The following RHAG variants were observed in gnomAD, a reference collection of about 807,000 sequenced individuals.
The protein encoded by RHAG is Rh associated glycoprotein, also known as ammonium transporter Rh type A.
A neutral mutation model predicts 42.4 loss-of-function variants in RHAG; 25 were observed. That is an observed-to-expected ratio of 0.59 (90% CI 0.43 to 0.82). The LOEUF (loss-of-function observed/expected upper bound fraction) is 0.82. Ranked by LOEUF, RHAG falls within the 40% of genes least tolerant of loss-of-function variation. RHAG has a pLI of 0.00. For synonymous variants in RHAG, 182 were observed against 177.7 expected (o/e 1.02, Z -0.19); for missense variants, 483 against 504.6 (o/e 0.96, Z 0.41).
intron 3 of RHAG, 144 bp downstream of exon 3, chr6:49,617,924 C>T: frequency 2.8e-6 from 2 of 710,344 alleles, no homozygotes; most frequent in African/African-American, 1.8e-5. Context: ...ACAGTAGGCA[C>T]TCAGTAAATG....
intron 7 of RHAG, among the ~76,000 whole-genome samples, chr6:49,608,683 C>G (rs1327927965): frequency 1.3e-5 from 2 of 152,106 alleles, no homozygotes; most frequent in African/African-American, 4.8e-5. Context: ...GGTCTATATA[C>G]TTCTTAAGAA....
At chr6:49,614,120 C>T (rs1222541907) in intron 5 of RHAG, among the ~76,000 whole-genome samples, 1 of 152,138 alleles carries the variant, frequency 6.6e-6, no homozygotes, top group Admixed American at 6.5e-5. Context: ...TACAAGACTA[C>T]CTTCATTCTC....
At chr6:49,622,377 G>A (rs1351356297) in intron 1 of RHAG, among the ~76,000 whole-genome samples, 2 of 151,934 alleles carry the variant, frequency 1.3e-5, no homozygotes, top group African/African-American at 4.8e-5. Context: ...CCACCATGCC[G>A]GACTTGGTAC....
Position 49,618,190 on chromosome 6 carries a change from T to C in RHAG, c.370A>G (p.Thr124Ala). ...NMINADFSAA[T>A]VLISFGAVLG... ...ACAGCTCCAAAAGATATCAGAACTGTGGCTGCACTGAAGTCTGCATTTATC... is the reference window on the plus strand; with the variant it reads ...ACAGCTCCAAAAGATATCAGAACTGCGGCTGCACTGAAGTCTGCATTTATC... Residue 124 changes from threonine to alanine, a missense_variant, in exon 3 of 10, where the codon ACA becomes GCA. Thr to Ala is a moderately conservative substitution (Grantham distance 58). Coordinates refer to ENST00000371175, the MANE Select transcript of RHAG (RefSeq NM_000324.3). The C allele has an allele frequency of 1.2e-6, 2 of 1,614,174 alleles. No homozygotes were observed. Among genetic ancestry groups the C allele is most frequent in the Non-Finnish European group, 1.7e-6 (2 of 1,180,028 alleles).
At chr6:49,617,352 G>A (rs1762672793) in intron 3 of RHAG, among the ~76,000 whole-genome samples, 1 of 152,076 alleles carries the variant, frequency 6.6e-6, no homozygotes, top group South Asian at 2.1e-4. Flanking sequence ...AGCATGTATT[G>A]CAATTTATAA....
intron 3 of RHAG, among the ~76,000 whole-genome samples, chr6:49,616,933 C>A (rs767261830): frequency 4.6e-5 from 7 of 152,196 alleles, no homozygotes; most frequent in Non-Finnish European, 7.3e-5. Context: ...CTTGGACTTT[C>A]CAAATACCAT....
At position 49,612,403 on chromosome 6, in the gene RHAG, G is replaced by A. The variant is rs1409270348; in HGVS notation, c.939C>T (p.Phe313=). 36 of 1,614,130 alleles carry A rather than the reference G, an allele frequency of 2.2e-5. No individual in the cohort carries two copies. Among genetic ancestry groups the A allele is most frequent in the Non-Finnish European group, 3.1e-5 (36 of 1,180,008 alleles). Residue 313 remains phenylalanine (F), a synonymous_variant, in exon 6 of 10, where the codon TTC becomes TTT. Coordinates refer to ENST00000371175, the MANE Select transcript of RHAG (RefSeq NM_000324.3). The stretch of plus-strand genomic sequence containing the variant: ...GAACATCTGCTGTACTTACAGTCAG[G>A]AACTTGTATCCAAGCACAGAGACCA... The part of the protein sequence containing the change: ...AGMVSVLGYK[F]LTPLFTTKLR...
intron 3 of RHAG, among the ~76,000 whole-genome samples, chr6:49,616,277 GA>G (rs1384265014): frequency 1.4e-5 from 2 of 146,878 alleles, no homozygotes; most frequent in Non-Finnish European, 3.0e-5. Flanking sequence ...TTGAGCCTAG[GA>G]GTTTGAGGTT....
At position 49,622,841 on chromosome 6, in the gene RHAG, T is replaced by TG. The variant is rs1004040541; in HGVS notation, c.158-3480_158-3479insC. Among the ~76,000 whole-genome samples the TG allele has an allele frequency of 6.1e-5, 9 of 147,996 alleles. 1 individual carries two copies. Among genetic ancestry groups the TG allele is most frequent in the Admixed American group, 6.0e-4 (9 of 14,884 alleles). ...GATGGAAAACCAGACTTTTTTTTTTTTTGTTTTGTTTTGAGACGGAGTCTC... is the reference window on the plus strand; with the variant it reads ...GATGGAAAACCAGACTTTTTTTTTTTGTTGTTTTGTTTTGAGACGGAGTCTC... On this transcript the variant is annotated intron_variant, in intron 1 of 9. Coordinates refer to ENST00000371175, the MANE Select transcript of RHAG (RefSeq NM_000324.3).
At chr6:49,623,213 A>G (rs1043591428) in intron 1 of RHAG, among the ~76,000 whole-genome samples, 2 of 152,122 alleles carry the variant, frequency 1.3e-5, no homozygotes, top group African/African-American at 4.8e-5. Flanking sequence ...CTTCTGATGT[A>G]ATTCTTGTTA....
At chr6:49,609,211 A>G (rs1762526814) in intron 7 of RHAG, among the ~76,000 whole-genome samples, 1 of 152,158 alleles carries the variant, frequency 6.6e-6, no homozygotes, top group Non-Finnish European at 1.5e-5. Context: ...TGCACCTTCA[A>G]GGCTTGCCCC....
intron 1 of RHAG, among the ~76,000 whole-genome samples, chr6:49,622,373 T>C (rs867001122): frequency 6.6e-6 from 1 of 152,060 alleles, no homozygotes; most frequent in Non-Finnish European, 1.5e-5. Flanking sequence ...TGGGCCACCA[T>C]GCCGGACTTG....
intron 1 of RHAG, among the ~76,000 whole-genome samples, chr6:49,624,061 C>T (rs16879545): frequency 0.12 from 18,932 of 152,024 alleles, 1,781 homozygotes; most frequent in East Asian, 0.29. Flanking sequence ...AAGTTGTTAA[C>T]AGAAAATAAA....
intron 3 of RHAG, among the ~76,000 whole-genome samples, chr6:49,616,602 A>G (rs946515416): frequency 6.6e-6 from 1 of 152,102 alleles, no homozygotes; most frequent in African/African-American, 2.4e-5. Context: ...AGTTTTCTAC[A>G]TTTCTTTCCT....
chr6:49,608,307 C>T (rs1327862858), intron 7 of RHAG, among the ~76,000 whole-genome samples: 4 of 152,120 alleles, frequency 2.6e-5, no homozygotes, highest in Non-Finnish European at 4.4e-5. Context: ...CTCCTCTGAA[C>T]ATGCTTATGA....
rs1762478795 is a variant in RHAG, at chr6:49,606,883, C to G, written c.1177G>C (p.Asp393His). ...ACAGAATCATCATAGCAGTTCTGGT[C>G]AGATGGCTGTCCCCAGAGAGGCAAC... ...LKLPLWGQPS[D>H]QNCYDDSVYW... The change falls in exon 9 of 10, where the codon GAC becomes CAC. Residue 393 changes from aspartate (D) to histidine (H), a missense_variant. Transcript: ENST00000371175. The G allele has an allele frequency of 9.9e-6, 16 of 1,612,282 alleles. No individual in the cohort carries two copies. The highest frequency in any genetic ancestry group is 1.4e-5 in the Non-Finnish European group (16 of 1,178,462).
rs896891218 is a variant in RHAG at position 49,631,083 on chromosome 6, T to C, written c.157+5573A>G. On this transcript the variant is annotated intron_variant, in intron 1 of 9. Transcript: ENST00000371175. The stretch of plus-strand genomic sequence containing the variant: ...TGGCAAGAATATTATACAGATAGTA[T>C]TGTGTACTTCCCACTAGATCACATG... Among the ~76,000 whole-genome samples, 9 of 152,214 alleles carry C rather than the reference T, an allele frequency of 5.9e-5. No homozygotes were observed. The South Asian group carries it at 1.0e-3, about 17-fold the overall frequency.
At chr6:49,613,123 G>A (rs1177373720) in intron 5 of RHAG, among the ~76,000 whole-genome samples, 1 of 150,604 alleles carries the variant, frequency 6.6e-6, no homozygotes, top group Non-Finnish European at 1.5e-5. Flanking sequence ...AGGCTGGAGT[G>A]CAGCAGCGCG....
chr6:49,615,607 A>G lies in RHAG; in HGVS notation c.640+17T>C, dbSNP rs754708784. On this transcript the variant is annotated intron_variant, in intron 4 of 9. Coordinates refer to ENST00000371175, the MANE Select transcript of RHAG (RefSeq NM_000324.3). ...TTTTCAAATAGATAAGATTCAAGCA[A>G]GTTTATCCACACTCACCAATCATTG... 6.0e-5 allele frequency: 97 copies of G among 1,613,792 alleles called. No individual in the cohort carries two copies. Among genetic ancestry groups the G allele is most frequent in the Non-Finnish European group, 8.0e-5 (94 of 1,179,864 alleles).
Sources: allele counts gnomAD v4.1 joint callset (sites outside exome capture counted in the v4.1 genomes callset), GRCh38; gene constraint gnomAD v4.1.1; transcripts MANE v1.5; gene names NCBI Gene and HGNC (gene_info 2026-07-23, HGNC 2026-07-21).